Variants in TRAM2 observed in about 807,000 individuals in gnomAD.
TRAM2 encodes the protein translocation associated membrane protein 2, also known as translocating chain-associated membrane protein 2.
A neutral mutation model predicts 51.0 loss-of-function variants in TRAM2; 12 were observed. The observed-to-expected ratio is 0.24, with a 90% CI of 0.15 to 0.38. The LOEUF is 0.38. TRAM2 is among the 10% of genes least tolerant of loss of function. The pLI is 1.00. For missense variants in TRAM2, 361 were observed against 462.0 expected (o/e 0.78, Z 2.00); for synonymous variants, 175 against 179.4 (o/e 0.98, Z 0.20).
chr6:52,525,423 G>A (rs1766759613), intron 2 of TRAM2, among the ~76,000 whole-genome samples: 1 of 152,210 alleles, frequency 6.6e-6, no homozygotes, highest in South Asian at 2.1e-4. Flanking sequence ...GACCAGTGGT[G>A]TTTTAACTAC....
chr6:52,561,890 G>T (rs565719843), intron 1 of TRAM2, among the ~76,000 whole-genome samples: 1 of 152,316 alleles, frequency 6.6e-6, no homozygotes, highest in South Asian at 2.1e-4. Flanking sequence ...TTACAGGCGT[G>T]AGCCACCAGG....
Position 52,527,246 on chromosome 6 carries a change from C to T in TRAM2, c.184+8537G>A, listed in dbSNP as rs544123783. 3.8e-3 allele frequency among the ~76,000 whole-genome samples: 582 copies of T among 151,712 alleles called. 5 individuals carry two copies. Among genetic ancestry groups the T allele is most frequent in the Non-Finnish European group, 5.2e-3 (352 of 67,898 alleles). On this transcript the variant is annotated intron_variant, in intron 2 of 10. Transcript: ENST00000182527. ...TACAAAAATTAGCCGGGCGTGGTGG[C>T]GGGCGCCTGCAGTCCTTGCTACTCG...
rs956530098 is a variant in TRAM2, at chr6:52,503,409, G to A, written c.1040-139C>T. ...GGATGCACCAAAGGGGCGCCAGGCT[G>A]CAGCCTTGCACAGCAAATGCAAGCC... On this transcript the variant is annotated intron_variant, in intron 10 of 10. Transcript: ENST00000182527. The A allele has an allele frequency of 4.9e-5, 37 of 758,718 alleles. No individual in the cohort carries two copies. The Admixed American group carries it at 7.4e-4, about 15-fold the overall frequency. The allele number at this position is 758,718 out of a possible 1,614,324, so 47.0% of individuals were successfully genotyped here.
chr6:52,560,794 T>C (rs983722338), intron 1 of TRAM2, among the ~76,000 whole-genome samples: 2 of 152,230 alleles, frequency 1.3e-5, no homozygotes, highest in African/African-American at 4.8e-5. Context: ...GGCCCTGAGC[T>C]ATCACTCTCA....
chr6:52,513,111 A>T (rs1766479949), intron 4 of TRAM2, among the ~76,000 whole-genome samples: 1 of 152,216 alleles, frequency 6.6e-6, no homozygotes, highest in Non-Finnish European at 1.5e-5. Flanking sequence ...TGACATTCCT[A>T]TAAAATTATT....
intron 1 of TRAM2, among the ~76,000 whole-genome samples, chr6:52,545,219 A>T (rs1243046885): frequency 6.6e-6 from 1 of 152,196 alleles, no homozygotes; most frequent in Non-Finnish European, 1.5e-5. Flanking sequence ...CTGAACTCAC[A>T]GCTGGGTCTC....
Position 52,577,041 on chromosome 6 carries a change from G to T in TRAM2, c.-126C>A. ...CCCGCTCTCCCACAGCCGCTCGCCC[G>T]CCCAGCGCGGAACAACTTCGGGGCC... On this transcript the variant is annotated 5_prime_UTR_variant, in exon 1 of 11. Transcript: ENST00000182527. 8.9e-7 allele frequency: 1 copy of T among 1,118,748 alleles called. No homozygotes were observed. Among genetic ancestry groups the T allele is most frequent in the Non-Finnish European group, 1.1e-6 (1 of 892,600 alleles). The allele number at this position is 1,118,748 out of a possible 1,614,324, so 69.3% of individuals were successfully genotyped here.
intron 4 of TRAM2, among the ~76,000 whole-genome samples, chr6:52,514,995 A>C (rs1390879390): frequency 6.6e-6 from 1 of 152,176 alleles, no homozygotes; most frequent in African/African-American, 2.4e-5. Flanking sequence ...TCTATGATGA[A>C]ATGATAATAG....
intron 2 of TRAM2, among the ~76,000 whole-genome samples, chr6:52,521,468 C>T (rs923744140): frequency 4.0e-5 from 6 of 151,488 alleles, no homozygotes; most frequent in Admixed American, 3.9e-4. Flanking sequence ...CCGAGGCAGG[C>T]GGATCAAGAG....
chr6:52,565,100 G>A (rs1006837378), intron 1 of TRAM2, among the ~76,000 whole-genome samples: 2 of 152,146 alleles, frequency 1.3e-5, no homozygotes, highest in Non-Finnish European at 2.9e-5. Flanking sequence ...AGATTGTGGG[G>A]AAGCTTTGAA....
At chr6:52,532,687 A>G (rs960871523) in intron 2 of TRAM2, among the ~76,000 whole-genome samples, 1 of 152,218 alleles carries the variant, frequency 6.6e-6, no homozygotes, top group Non-Finnish European at 1.5e-5. Flanking sequence ...AAATATCCAT[A>G]TGGGGCTGAT....
At chr6:52,537,332 T>A (rs1766992466) in intron 1 of TRAM2, among the ~76,000 whole-genome samples, 1 of 152,224 alleles carries the variant, frequency 6.6e-6, no homozygotes, top group South Asian at 2.1e-4. Context: ...AAGACCTTTT[T>A]CAGTGTTCTC....
intron 1 of TRAM2, 48 bp from the exon 2 acceptor site, chr6:52,535,894 A>G (rs1487866994): frequency 2.2e-5 from 35 of 1,558,136 alleles, no homozygotes; most frequent in Non-Finnish European, 2.9e-5. Context: ...GGCCACATCA[A>G]AAGAAACAAG....
At chr6:52,509,238 A>T (rs1766404924) in intron 5 of TRAM2, among the ~76,000 whole-genome samples, 1 of 152,220 alleles carries the variant, frequency 6.6e-6, no homozygotes, top group South Asian at 2.1e-4. Flanking sequence ...AAGAAGGTAG[A>T]AACCCAGAGG....
intron 1 of TRAM2, among the ~76,000 whole-genome samples, chr6:52,563,445 C>T (rs913754735): frequency 4.6e-5 from 7 of 151,352 alleles, no homozygotes; most frequent in Non-Finnish European, 7.4e-5. Context: ...TGGGGCCGGG[C>T]GTGGTGGCTC....
At chr6:52,536,520 T>C (rs1766979483) in intron 1 of TRAM2, among the ~76,000 whole-genome samples, 1 of 152,204 alleles carries the variant, frequency 6.6e-6, no homozygotes, top group African/African-American at 2.4e-5. Context: ...AGGGGAGGGA[T>C]GACAAAACCT....
intron 1 of TRAM2, among the ~76,000 whole-genome samples, chr6:52,555,520 T>C (rs1767390291): frequency 1.3e-5 from 2 of 152,228 alleles, no homozygotes; most frequent in African/African-American, 2.4e-5. Context: ...ATGATCATCC[T>C]TACAGGTATT....
rs868775611 is a variant in TRAM2, at chr6:52,523,684, G to A, written c.185-6947C>T. ...GAGATTACAAACGCATCAATCCTTC[G>A]ATGCAGCAATTCTACTTCTGGAAAT... On this transcript the variant is annotated intron_variant, in intron 2 of 10. Transcript: ENST00000182527. The A allele has an allele frequency of 2.4e-4, 37 of 152,224 alleles. 1 individual carries two copies. The highest frequency in any genetic ancestry group is 7.0e-4 in the African/African-American group (29 of 41,448). 9.4% of individuals were successfully genotyped at this position (152,224 alleles called of 1,614,324 possible).
At chr6:52,514,466 G>A (rs1766508172) in intron 4 of TRAM2, among the ~76,000 whole-genome samples, 1 of 152,040 alleles carries the variant, frequency 6.6e-6, no homozygotes, top group African/African-American at 2.4e-5. Context: ...TGGGGAACTG[G>A]CTCTTCCCAG....
Sources: allele counts gnomAD v4.1 joint callset (sites outside exome capture counted in the v4.1 genomes callset), GRCh38; gene constraint gnomAD v4.1.1; transcripts MANE v1.5; gene names NCBI Gene and HGNC (gene_info 2026-07-23, HGNC 2026-07-21).